The following OXR1 variants were observed in gnomAD, a reference collection of about 807,000 sequenced individuals.
OXR1 encodes oxidation resistance 1.
OXR1 carries 41 observed loss-of-function variants against 104.6 expected under a neutral mutation model. The observed-to-expected ratio is 0.39, with a 90% CI of 0.31 to 0.51. OXR1 has a LOEUF of 0.51. OXR1 is among the 20% of genes least tolerant of loss of function. The pLI is 0.77. For synonymous variants in OXR1, 348 were observed against 348.4 expected (o/e 1.00, Z 0.01); for missense variants, 955 against 1,031.9 (o/e 0.93, Z 1.02).
intron 2 of OXR1, among the ~76,000 whole-genome samples, chr8:106,513,828 A>G: frequency 6.6e-6 from 1 of 152,082 alleles, no homozygotes; most frequent in East Asian, 1.9e-4. Context: ...GATTCTTAGA[A>G]CCTTTCTGGG....
chr8:106,742,734 T>A (rs1260007791), intron 15 of OXR1, among the ~76,000 whole-genome samples: 1 of 152,176 alleles, frequency 6.6e-6, no homozygotes, highest in Non-Finnish European at 1.5e-5. Context: ...CTGGGAGAAC[T>A]GGCTAGCTAT....
intron 2 of OXR1, among the ~76,000 whole-genome samples, chr8:106,442,734 T>G (rs1819842115): frequency 6.6e-6 from 1 of 152,210 alleles, no homozygotes; most frequent in Non-Finnish European, 1.5e-5. Flanking sequence ...CTGATGGTAA[T>G]TTGTATTTCT....
chr8:106,407,125 C>A (rs1818275253), intron 2 of OXR1, among the ~76,000 whole-genome samples: 1 of 152,058 alleles, frequency 6.6e-6, no homozygotes, highest in Non-Finnish European at 1.5e-5. Context: ...CTAAATGTTT[C>A]CCTCTCTTTT....
At chr8:106,499,384 A>G (rs1278477414) in intron 2 of OXR1, among the ~76,000 whole-genome samples, 1 of 152,176 alleles carries the variant, frequency 6.6e-6, no homozygotes, top group East Asian at 1.9e-4. Context: ...AGTCAGGGGA[A>G]AGAGTGTATA....
intron 2 of OXR1, among the ~76,000 whole-genome samples, chr8:106,471,701 A>AT (rs1290855404): frequency 2.0e-5 from 3 of 151,778 alleles, no homozygotes; most frequent in Admixed American, 1.3e-4. Flanking sequence ...GTAATAAGAG[A>AT]TTTTTTTAAA....
In OXR1 at chr8:106,706,615, C is replaced by A. The variant is rs546556630; in HGVS notation, c.1094C>A (p.Ala365Glu). 6.2e-7 allele frequency: 1 copy of A among 1,612,878 alleles called. No individual in the cohort carries two copies. The highest frequency in any genetic ancestry group is 2.2e-5 in the East Asian group (1 of 44,850). Residue 365 changes from alanine to glutamate, a missense_variant, in exon 9 of 17, where the codon GCG becomes GAG. By Grantham distance (107) the Ala-to-Glu change is moderately radical. Transcript: ENST00000517566. ...CTGCGACAAGATAAATCTTCTGGTG[C>A]GTCATCAGAATCTGTGCAAACTGTC... ...DELRQDKSSGASSESVQTVNQ... is the reference protein window; with the variant it reads ...DELRQDKSSGESSESVQTVNQ...
At chr8:106,589,841 A>G (rs1586857312) in intron 3 of OXR1, among the ~76,000 whole-genome samples, 1 of 151,910 alleles carries the variant, frequency 6.6e-6, no homozygotes, top group Non-Finnish European at 1.5e-5. Flanking sequence ...TAATTTTTCT[A>G]TTTTTAGTAG....
intron 1 of OXR1, among the ~76,000 whole-genome samples, chr8:106,347,078 G>C (rs1282765743): frequency 1.3e-5 from 2 of 152,096 alleles, no homozygotes; most frequent in Non-Finnish European, 2.9e-5. Flanking sequence ...GCTCTTTGGT[G>C]TTCGATTTTA....
rs532141383 is a variant in OXR1, at chr8:106,526,362, G to T, written c.220+7223G>T. Among the ~76,000 whole-genome samples, 9 of 152,300 alleles carry T rather than the reference G, an allele frequency of 5.9e-5. No homozygotes were observed. In the East Asian group the frequency reaches 1.7e-3, roughly 29 times the overall value. ...GAATTGATATTTGCAGCATGAAGGA[G>T]AAAATGATTGAGGGGAAATTTAATG... On this transcript the variant is annotated intron_variant, in intron 3 of 16. Coordinates refer to ENST00000517566, the MANE Select transcript of OXR1 (RefSeq NM_001198533.2).
chr8:106,289,332 A>T (rs995061554), intron 1 of OXR1, among the ~76,000 whole-genome samples: 2 of 152,222 alleles, frequency 1.3e-5, no homozygotes, highest in African/African-American at 4.8e-5. Context: ...ATACAAAATC[A>T]ATGTATAAAA....
chr8:106,513,883 A>G (rs1374376573), intron 2 of OXR1, among the ~76,000 whole-genome samples: 7 of 152,148 alleles, frequency 4.6e-5, no homozygotes, highest in African/African-American at 1.4e-4. Flanking sequence ...GAGTCTCAGA[A>G]AAGCACCCAG....
intron 2 of OXR1, among the ~76,000 whole-genome samples, chr8:106,426,234 C>T (rs1289855419): frequency 2.0e-5 from 3 of 152,068 alleles, no homozygotes; most frequent in East Asian, 3.9e-4. Flanking sequence ...GACCTGGCAC[C>T]GTAAGACTTA....
At chr8:106,607,848 A>G (rs1161030548) in intron 3 of OXR1, among the ~76,000 whole-genome samples, 1 of 150,924 alleles carries the variant, frequency 6.6e-6, no homozygotes. Flanking sequence ...TAACTGGGAC[A>G]TAGAGAACTT....
intron 3 of OXR1, 79 bp from the exon 4 acceptor site, chr8:106,679,131 A>G (rs1827894749): frequency 3.9e-6 from 3 of 778,042 alleles, no homozygotes; most frequent in Non-Finnish European, 6.5e-6. Flanking sequence ...ACATCTGCCC[A>G]AAGAGCTCTA....
At chr8:106,294,419 A>G (rs1386345082) in intron 1 of OXR1, among the ~76,000 whole-genome samples, 1 of 151,216 alleles carries the variant, frequency 6.6e-6, no homozygotes, top group Non-Finnish European at 1.5e-5. Context: ...AAAAAAAGAA[A>G]GAAAGAAATA....
chr8:106,491,402 G>A (rs1482267300), intron 2 of OXR1, among the ~76,000 whole-genome samples: 1 of 152,162 alleles, frequency 6.6e-6, no homozygotes, highest in African/African-American at 2.4e-5. Context: ...ACACCAGTGT[G>A]AGCATGTTGT....
intron 3 of OXR1, among the ~76,000 whole-genome samples, chr8:106,591,977 G>A (rs1009504818): frequency 1.3e-5 from 2 of 152,176 alleles, no homozygotes; most frequent in African/African-American, 4.8e-5. Context: ...CCTGCTGCCT[G>A]ATACATCGTT....
At chr8:106,714,658 G>A (rs1832056651) in intron 11 of OXR1, among the ~76,000 whole-genome samples, 1 of 152,054 alleles carries the variant, frequency 6.6e-6, no homozygotes, top group South Asian at 2.1e-4. Flanking sequence ...GTCTTATAAG[G>A]TTGGTAGGGT....
At chr8:106,580,744 C>A (rs1018863866) in intron 3 of OXR1, among the ~76,000 whole-genome samples, 90 of 151,956 alleles carry the variant, frequency 5.9e-4, no homozygotes, top group Non-Finnish European at 1.5e-4. Context: ...TTGCTATTGT[C>A]TGTAAAACAT....
Sources: gnomAD v4.1 joint callset for allele counts (sites outside exome capture counted in the v4.1 genomes callset) on GRCh38, gnomAD v4.1.1 for gene constraint, MANE v1.5 for transcripts, NCBI Gene and HGNC (gene_info 2026-07-23, HGNC 2026-07-21) for gene names.